The following PEF1 variants were observed in gnomAD, a reference collection of about 807,000 sequenced individuals.
PEF1 encodes the protein penta-EF-hand domain containing 1, also known as peflin.
Under a neutral mutation model 32.0 loss-of-function variants are expected in PEF1, and 17 were observed. The observed-to-expected ratio is 0.53, with a 90% CI of 0.36 to 0.80. The LOEUF (loss-of-function observed/expected upper bound fraction) is 0.80. Among genes scored for constraint, PEF1 ranks in the 30% least tolerant of loss-of-function variants. The pLI, the probability that PEF1 is intolerant of heterozygous loss-of-function variation, is 0.00. For synonymous variants in PEF1, 130 were observed against 139.8 expected, an observed-to-expected ratio of 0.93 and a Z score of 0.50; for missense variants, 362 against 369.1, an observed-to-expected ratio of 0.98 and a Z score of 0.16.
chr1:31,644,354 C>G (rs1219406823), intron 1 of PEF1: 2 of 993,854 alleles, frequency 2.0e-6, no homozygotes, highest in Non-Finnish European at 2.4e-6. Context: ...CGGTGTTGAA[C>G]TAAGTCAGTG....
At chr1:31,638,167 G>A (rs1640305601) in intron 1 of PEF1, among the ~76,000 whole-genome samples, 1 of 152,216 alleles carries the variant, frequency 6.6e-6, no homozygotes, top group African/African-American at 2.4e-5. Context: ...TGGCATTTGA[G>A]CTAGGACTTA....
Position 31,632,629 on chromosome 1 carries a change from T to C in PEF1, c.491A>G (p.Asp164Gly), listed in dbSNP as rs1242793392. The C allele has an allele frequency of 1.5e-5, 25 of 1,613,694 alleles. No homozygotes were observed. Among genetic ancestry groups the C allele is most frequent in the Non-Finnish European group, 2.0e-5 (24 of 1,179,848 alleles). Residue 164 changes from aspartate to glycine, a missense_variant, in exon 4 of 5, where the codon GAC (aspartate) becomes GGC (glycine). Coordinates refer to ENST00000373703, the MANE Select transcript of PEF1 (RefSeq NM_012392.4). ...ETCLMMINMFDKTKSGRIDVY... is the reference protein window; with the variant it reads ...ETCLMMINMFGKTKSGRIDVY... ...ATCGATGCGGCCTGACTTGGTCTTGTCAAACATGTCTGAAGGTGAGGAGGG... is the reference window on the plus strand; with the variant it reads ...ATCGATGCGGCCTGACTTGGTCTTGCCAAACATGTCTGAAGGTGAGGAGGG...
intron 1 of PEF1, among the ~76,000 whole-genome samples, chr1:31,642,029 T>C (rs978930289): frequency 2.0e-4 from 30 of 152,192 alleles, no homozygotes; most frequent in Middle Eastern, 3.4e-3. Context: ...GTTAGGAGTT[T>C]GAGACCAGCC....
At chr1:31,642,699 C>T (rs1032516931) in intron 1 of PEF1, among the ~76,000 whole-genome samples, 6 of 152,182 alleles carry the variant, frequency 3.9e-5, no homozygotes, top group Non-Finnish European at 8.8e-5. Context: ...CAGTATTTCA[C>T]TCCAGGAATA....
chr1:31,644,455 T>C (rs1378222350), intron 1 of PEF1: 3 of 1,144,398 alleles, frequency 2.6e-6, no homozygotes, highest in Non-Finnish European at 3.2e-6. Context: ...CCTGGATTTT[T>C]ATCCGACGCC....
chr1:31,644,275 C>G, intron 1 of PEF1: 2 of 735,092 alleles, frequency 2.7e-6, no homozygotes, highest in Non-Finnish European at 3.3e-6. Context: ...GGCCCTGCTG[C>G]CTAACTGCCT....
chr1:31,633,082 C>G, intron 3 of PEF1, 77 bp downstream of exon 3: 1 of 1,492,362 alleles, frequency 6.7e-7, no homozygotes, highest in Non-Finnish European at 9.1e-7. Flanking sequence ...AATGTCCACC[C>G]ACCCACCTAC....
intron 2 of PEF1, among the ~76,000 whole-genome samples, chr1:31,633,969 C>A (rs1418933586): frequency 2.0e-3 from 294 of 148,828 alleles, no homozygotes; most frequent in African/African-American, 3.2e-3. Flanking sequence ...AAAAAAAAAA[C>A]AAAAAAACCC....
At chr1:31,633,635 C>T (rs1015229711) in intron 2 of PEF1, among the ~76,000 whole-genome samples, 1 of 152,044 alleles carries the variant, frequency 6.6e-6, no homozygotes, top group Non-Finnish European at 1.5e-5. Flanking sequence ...AGGTAAACTG[C>T]GAGATGGGGG....
chr1:31,643,810 A>G (rs1640471255), intron 1 of PEF1, among the ~76,000 whole-genome samples: 1 of 152,198 alleles, frequency 6.6e-6, no homozygotes, highest in Non-Finnish European at 1.5e-5. Flanking sequence ...CTCCTAAATA[A>G]CTGTGTGATC....
At chr1:31,635,159 A>T in intron 2 of PEF1, 63 bp downstream of exon 2, 1 of 1,577,570 alleles carries the variant, frequency 6.3e-7, no homozygotes, top group Non-Finnish European at 8.6e-7. Flanking sequence ...GGAAGGACAA[A>T]GGCTGGCCAT....
intron 1 of PEF1, among the ~76,000 whole-genome samples, chr1:31,641,747 T>G (rs991899490): frequency 6.6e-6 from 1 of 152,254 alleles, no homozygotes; most frequent in Non-Finnish European, 1.5e-5. Flanking sequence ...TATCTCACTC[T>G]CCCGTGCTGT....
chr1:31,632,199 A>T, intron 4 of PEF1: 1 of 603,098 alleles, frequency 1.7e-6, no homozygotes, highest in Non-Finnish European at 3.0e-6. Context: ...CTGGTCTCAT[A>T]GTCCTTAAGG....
At chr1:31,642,844 T>C (rs902056473) in intron 1 of PEF1, among the ~76,000 whole-genome samples, 2 of 152,214 alleles carry the variant, frequency 1.3e-5, no homozygotes, top group Non-Finnish European at 2.9e-5. Context: ...ACAGGTATTA[T>C]TTCTCCCTTT....
At chr1:31,638,897 A>G (rs1640323824) in intron 1 of PEF1, among the ~76,000 whole-genome samples, 1 of 152,236 alleles carries the variant, frequency 6.6e-6, no homozygotes, top group Non-Finnish European at 1.5e-5. Flanking sequence ...AGATCTGAGG[A>G]CACAAGTAAA....
chr1:31,632,851 G>T (rs1640150042), intron 3 of PEF1, among the ~76,000 whole-genome samples: 1 of 152,160 alleles, frequency 6.6e-6, no homozygotes, highest in African/African-American at 2.4e-5. Context: ...ACCCCATCCA[G>T]AACTGCATTT....
chr1:31,644,606 T>A, intron 1 of PEF1: 4 of 1,438,692 alleles, frequency 2.8e-6, no homozygotes, highest in Non-Finnish European at 3.6e-6. Flanking sequence ...GGTCCCCAAA[T>A]CCTCGAGTGA....
intron 1 of PEF1, chr1:31,644,347 T>C: frequency 1.0e-6 from 1 of 987,486 alleles, no homozygotes; most frequent in Non-Finnish European, 1.2e-6. Flanking sequence ...GAAATGGCGG[T>C]GTTGAACTAA....
intron 1 of PEF1, chr1:31,644,297 G>T: frequency 2.2e-6 from 2 of 905,540 alleles, no homozygotes; most frequent in Non-Finnish European, 1.3e-6. Context: ...GTGACTTCAG[G>T]TAAGTTCTGT....
Sources: allele counts gnomAD v4.1 joint callset (sites outside exome capture counted in the v4.1 genomes callset), GRCh38; gene constraint gnomAD v4.1.1; transcripts MANE v1.5; gene names NCBI Gene and HGNC (gene_info 2026-07-23, HGNC 2026-07-21).